Variants in CNTN4 observed in about 807,000 individuals in gnomAD.
The protein encoded by CNTN4 is contactin-4.
In CNTN4, 77 loss-of-function variants were observed where a neutral mutation model predicts 122.5. That is an observed-to-expected ratio of 0.63 (90% CI 0.52 to 0.76). The LOEUF is 0.76. Ranked by LOEUF, CNTN4 falls within the 30% of genes least tolerant of loss-of-function variation. The probability of loss-of-function intolerance (pLI) is 0.00; values close to 1 mark genes in which losing one functional copy is unlikely to be tolerated. For missense variants in CNTN4, 1,256 were observed against 1,259.1 expected (o/e 1.00, Z 0.04); for synonymous variants, 512 against 447.0 (o/e 1.15, Z -1.83).
chr3:2,482,564 G>A (rs985266740), intron 3 of CNTN4, among the ~76,000 whole-genome samples: 5 of 152,162 alleles, frequency 3.3e-5, no homozygotes, highest in African/African-American at 1.2e-4. Context: ...TTCAGGACAG[G>A]CCCTCCCATG....
intron 2 of CNTN4, among the ~76,000 whole-genome samples, chr3:2,124,363 C>A (rs1358475473): frequency 1.3e-5 from 2 of 151,352 alleles, no homozygotes; most frequent in African/African-American, 4.9e-5. Flanking sequence ...ACTTTCTTGG[C>A]AGATAGAGGA....
chr3:2,340,003 C>T (rs145205981), intron 3 of CNTN4, among the ~76,000 whole-genome samples: 10 of 152,272 alleles, frequency 6.6e-5, no homozygotes, highest in East Asian at 1.9e-4. Context: ...CTTCAGTTCA[C>T]GTGGCTGTCT....
At chr3:2,661,726 C>T (rs958078) in intron 4 of CNTN4, among the ~76,000 whole-genome samples, 14 of 146,792 alleles carry the variant, frequency 9.5e-5, no homozygotes, top group Admixed American at 5.6e-4. Flanking sequence ...GCAGGAGAAT[C>T]GCTTCAACCC....
chr3:2,389,985 T>C (rs773801931), intron 3 of CNTN4, among the ~76,000 whole-genome samples: 2 of 152,194 alleles, frequency 1.3e-5, no homozygotes, highest in South Asian at 4.1e-4. Flanking sequence ...GTCAAGTGTA[T>C]ATGAACTATC....
At chr3:2,619,242 C>T (rs2081900709) in intron 4 of CNTN4, among the ~76,000 whole-genome samples, 1 of 152,152 alleles carries the variant, frequency 6.6e-6, no homozygotes, top group Admixed American at 6.5e-5. Flanking sequence ...TCATGATTCC[C>T]AAAACAGTTT....
chr3:2,748,272 G>A (rs2089904093), intron 6 of CNTN4, among the ~76,000 whole-genome samples: 1 of 152,174 alleles, frequency 6.6e-6, no homozygotes, highest in Admixed American at 6.5e-5. Context: ...ATCTGAGAAA[G>A]TATTTCTTAT....
At chr3:3,024,921 A>G (rs1698603101) in intron 14 of CNTN4, among the ~76,000 whole-genome samples, 1 of 152,110 alleles carries the variant, frequency 6.6e-6, no homozygotes, top group South Asian at 2.1e-4. Context: ...ACTATGGGAG[A>G]GGATTAGTCA....
At chr3:2,323,294 G>C (rs2043333949) in intron 2 of CNTN4, among the ~76,000 whole-genome samples, 1 of 152,122 alleles carries the variant, frequency 6.6e-6, no homozygotes, top group East Asian at 1.9e-4. Context: ...AATGGCCAGG[G>C]GAGGGAAAGT....
At chr3:2,294,571 C>T (rs1304621632) in intron 2 of CNTN4, among the ~76,000 whole-genome samples, 1 of 152,132 alleles carries the variant, frequency 6.6e-6, no homozygotes, top group Admixed American at 6.5e-5. Flanking sequence ...GCAGATGTTG[C>T]AGTGAGCCGA....
chr3:2,309,108 A>G (rs946389707), intron 2 of CNTN4, among the ~76,000 whole-genome samples: 5 of 151,960 alleles, frequency 3.3e-5, no homozygotes, highest in African/African-American at 1.2e-4. Context: ...TTTCATTTCT[A>G]TCAGTTTCCC....
intron 4 of CNTN4, among the ~76,000 whole-genome samples, chr3:2,618,359 T>C (rs1345956588): frequency 6.6e-6 from 1 of 152,196 alleles, no homozygotes. Flanking sequence ...TATATCATTA[T>C]ACATTTTGTA....
intron 13 of CNTN4, among the ~76,000 whole-genome samples, chr3:2,983,631 T>TA (rs1694267312): frequency 6.6e-6 from 1 of 152,228 alleles, no homozygotes; most frequent in African/African-American, 2.4e-5. Context: ...TGTATATAGT[T>TA]ACTTTTATTA....
chr3:2,103,215 C>G (rs1007188726), intron 2 of CNTN4, among the ~76,000 whole-genome samples: 5 of 144,344 alleles, frequency 3.5e-5, no homozygotes, highest in African/African-American at 7.8e-5. Flanking sequence ...CAATACTTTT[C>G]TTATTTAAGC....
chr3:3,020,807 C>A (rs749533035), intron 14 of CNTN4, among the ~76,000 whole-genome samples: 2 of 152,172 alleles, frequency 1.3e-5, no homozygotes, highest in Admixed American at 1.3e-4. Flanking sequence ...TCATGTCTCT[C>A]CTAATTTACC....
At chr3:2,553,466 C>G (rs1167525105) in intron 3 of CNTN4, among the ~76,000 whole-genome samples, 1 of 152,142 alleles carries the variant, frequency 6.6e-6, no homozygotes, top group Non-Finnish European at 1.5e-5. Context: ...TTATTTAAAA[C>G]TCTAGTCAAA....
intron 2 of CNTN4, among the ~76,000 whole-genome samples, chr3:2,116,001 ATCTT>A (rs1218381160): frequency 4.6e-5 from 7 of 152,184 alleles, no homozygotes; most frequent in African/African-American, 1.7e-4. Flanking sequence ...TGAGACTTAA[ATCTT>A]TCTCGAAGGT....
chr3:2,403,308 G>A (rs772822257), intron 3 of CNTN4, among the ~76,000 whole-genome samples: 1 of 151,982 alleles, frequency 6.6e-6, no homozygotes, highest in Admixed American at 6.6e-5. Flanking sequence ...ACATCCTAAG[G>A]TACTGAGAGT....
intron 2 of CNTN4, among the ~76,000 whole-genome samples, chr3:2,195,770 T>C (rs1193171103): frequency 6.6e-6 from 1 of 152,206 alleles, no homozygotes; most frequent in Non-Finnish European, 1.5e-5. Flanking sequence ...GAGCTTGGCT[T>C]CCTAATATTT....
rs548762583 is a variant in CNTN4, at chr3:2,235,750, C to G, written c.-144-103428C>G. On this transcript the variant is annotated intron_variant, in intron 2 of 24. Coordinates refer to ENST00000418658, the MANE Select transcript of CNTN4 (RefSeq NM_175607.3). ...ATCTAGTATTATGCTTATTCTTGGG[C>G]TAATTCATTTCTTTACTATCATTTA... Among the ~76,000 whole-genome samples the G allele has an allele frequency of 2.0e-5, 3 of 152,146 alleles. No homozygotes were observed. In the East Asian group the frequency reaches 5.8e-4, roughly 29 times the overall value.
Sources: gnomAD v4.1 joint callset for allele counts (sites outside exome capture counted in the v4.1 genomes callset) on GRCh38, gnomAD v4.1.1 for gene constraint, MANE v1.5 for transcripts, NCBI Gene and HGNC (gene_info 2026-07-23, HGNC 2026-07-21) for gene names.